Variants in BBS4 observed in about 807,000 individuals in gnomAD.
BBS4 encodes the protein BBSome complex member BBS4.
In BBS4, 58 loss-of-function variants were observed where a neutral mutation model predicts 71.4. The observed-to-expected ratio is 0.81, with a 90% confidence interval of 0.66 to 1.01. The LOEUF is 1.01. Among genes scored for constraint, BBS4 ranks in the 50% least tolerant of loss-of-function variants. The pLI is 0.00. For synonymous variants in BBS4, 228 were observed against 216.8 expected, an observed-to-expected ratio of 1.05 and a Z score of -0.46; for missense variants, 660 against 607.9, an observed-to-expected ratio of 1.09 and a Z score of -0.90.
intron 6 of BBS4, among the ~76,000 whole-genome samples, chr15:72,718,004 A>G (rs967895737): frequency 6.6e-6 from 1 of 152,020 alleles, no homozygotes; most frequent in African/African-American, 2.4e-5. Flanking sequence ...GCCTGCCACC[A>G]TGCCCGGCTA....
chr15:72,699,960 G>A (rs1176722606), intron 2 of BBS4, among the ~76,000 whole-genome samples: 1 of 152,180 alleles, frequency 6.6e-6, no homozygotes, highest in Admixed American at 6.5e-5. Flanking sequence ...TTTATTTAGA[G>A]ATGGAGTCTC....
At chr15:72,716,440 A>G (rs140564154) in intron 5 of BBS4, among the ~76,000 whole-genome samples, 60 of 152,356 alleles carry the variant, frequency 3.9e-4, no homozygotes, top group Non-Finnish European at 5.7e-4. Context: ...GTGATGATAA[A>G]TGATGGTAGT....
In BBS4 at chr15:72,735,185, A is replaced by G. The variant is rs886038704; in HGVS notation, c.1106+3A>G. The G allele has an allele frequency of 6.2e-7, 1 of 1,612,402 alleles. No homozygotes were observed. The highest frequency in any genetic ancestry group is 8.5e-7 in the Non-Finnish European group (1 of 1,178,666). ...GCAGAAGCAGTCCACCTGGATAAGT[A>G]TGCACTTTGTTGAGAATGGTACTGG... On this transcript the variant is annotated splice_donor_region_variant and intron_variant, in intron 13 of 15. Transcript: ENST00000268057.
chr15:72,724,268 A>G (rs2065627447), intron 7 of BBS4, among the ~76,000 whole-genome samples: 2 of 152,200 alleles, frequency 1.3e-5, no homozygotes, highest in Admixed American at 1.3e-4. Context: ...TGTGAATATC[A>G]GGCAGAAAAC....
rs114672242 is a variant in BBS4 at position 72,731,533 on chromosome 15, G to C, written c.865-22G>C. On this transcript the variant is annotated intron_variant, in intron 11 of 15. Coordinates refer to ENST00000268057, the MANE Select transcript of BBS4 (RefSeq NM_033028.5). ...GTCTGTTTAGCTTGCCCTTCTCATT[G>C]AGTGCCCCTTCTCTCTCATAGGCCA... 1,235 of 1,614,170 alleles carry C rather than the reference G, an allele frequency of 7.7e-4. 10 individuals are homozygous for C. The African/African-American group carries it at 0.015, about 20-fold the overall frequency.
At chr15:72,734,354 A>T (rs2065881025) in intron 12 of BBS4, among the ~76,000 whole-genome samples, 2 of 152,270 alleles carry the variant, frequency 1.3e-5, no homozygotes, top group South Asian at 4.1e-4. Context: ...AAAATGGAAT[A>T]GCACAGAATG....
chr15:72,696,630 G>A (rs1041155772), intron 2 of BBS4, among the ~76,000 whole-genome samples: 3 of 152,160 alleles, frequency 2.0e-5, no homozygotes, highest in African/African-American at 4.8e-5. Flanking sequence ...AGAGGGTCTC[G>A]CTCTGTCACC....
intron 2 of BBS4, among the ~76,000 whole-genome samples, chr15:72,696,530 G>T (rs3862416): frequency 0.95 from 144,455 of 152,262 alleles, 69,014 homozygotes; most frequent in East Asian, 1. Context: ...TCCCAATTGC[G>T]GGCAGCCATT....
intron 2 of BBS4, among the ~76,000 whole-genome samples, chr15:72,696,470 A>G (rs1387732905): frequency 1.3e-5 from 2 of 152,178 alleles, no homozygotes; most frequent in Non-Finnish European, 2.9e-5. Context: ...TAAAAGTTTA[A>G]TTACTCCCCC....
rs796233323 is a variant in BBS4, at chr15:72,717,365, G to GT, written c.405+526dup. 249 of 146,504 alleles carry GT rather than the reference G, an allele frequency of 1.7e-3. 3 individuals are homozygous for GT. The South Asian group carries it at 0.019, about 11-fold the overall frequency. The allele number at this position is 146,504 out of a possible 1,614,324, so 9.1% of individuals were successfully genotyped here. ...ACATTGGCTTTACAAATTCGTTTTT[G>GT]TTTTTTTTTTTAATTCTCATGAAAC... On this transcript the variant is annotated intron_variant, in intron 6 of 15. Transcript: ENST00000268057.
Position 72,704,806 on chromosome 15 carries a change from G to A in BBS4, c.77-4894G>A, listed in dbSNP as rs139300858. 9.0e-3 allele frequency among the ~76,000 whole-genome samples: 1,369 copies of A among 152,240 alleles called. 10 individuals carry two copies. Among genetic ancestry groups the A allele is most frequent in the Non-Finnish European group, 0.016 (1,082 of 68,022 alleles). ...GAGTCATAAGAATCATTTGAATCTGGGAGGTGGAGATTGCGGTGAGCTAAG... is the reference window on the plus strand; with the variant it reads ...GAGTCATAAGAATCATTTGAATCTGAGAGGTGGAGATTGCGGTGAGCTAAG... On this transcript the variant is annotated intron_variant, in intron 2 of 15. Coordinates refer to ENST00000268057, the MANE Select transcript of BBS4 (RefSeq NM_033028.5).
At chr15:72,708,958 G>A (rs1035864521) in intron 2 of BBS4, among the ~76,000 whole-genome samples, 2 of 152,186 alleles carry the variant, frequency 1.3e-5, no homozygotes, top group African/African-American at 4.8e-5. Context: ...GTGCACCGCT[G>A]AACATAGACT....
At chr15:72,690,267 A>G (rs1272018611) in intron 1 of BBS4, among the ~76,000 whole-genome samples, 1 of 152,214 alleles carries the variant, frequency 6.6e-6, no homozygotes, top group Non-Finnish European at 1.5e-5. Context: ...CAGGTGCTCC[A>G]TGAATATTTG....
At chr15:72,702,921 C>G (rs1284267142) in intron 2 of BBS4, among the ~76,000 whole-genome samples, 4 of 147,418 alleles carry the variant, frequency 2.7e-5, no homozygotes, top group Non-Finnish European at 6.0e-5. Context: ...CATTCTCCTG[C>G]CTCAGCCTCC....
chr15:72,696,719 G>A (rs184815688), intron 2 of BBS4, among the ~76,000 whole-genome samples: 1 of 151,754 alleles, frequency 6.6e-6, no homozygotes, highest in East Asian at 1.9e-4. Flanking sequence ...CCCAGTAGCT[G>A]GGTCTACAGG....
intron 4 of BBS4, among the ~76,000 whole-genome samples, chr15:72,713,356 C>T (rs1428779721): frequency 1.7e-5 from 2 of 118,798 alleles, no homozygotes; most frequent in East Asian, 8.8e-4. Flanking sequence ...CACACGCACA[C>T]GCACGCACGC....
chr15:72,714,248 CAG>C (rs1210517301), intron 4 of BBS4, among the ~76,000 whole-genome samples: 6 of 100,868 alleles, frequency 5.9e-5, no homozygotes, highest in East Asian at 6.3e-4. Flanking sequence ...TTTTTTGAGA[CAG>C]AGTCTTGCTC....
At chr15:72,730,350 A>C (rs1327642786) in intron 10 of BBS4, among the ~76,000 whole-genome samples, 1 of 151,850 alleles carries the variant, frequency 6.6e-6, no homozygotes, top group Non-Finnish European at 1.5e-5. Flanking sequence ...TAATCCCAGC[A>C]CTTTGGAATG....
intron 3 of BBS4, 39 bp from the exon 4 acceptor site, chr15:72,712,205 C>T (rs1567412606): frequency 1.3e-6 from 2 of 1,595,344 alleles, no homozygotes; most frequent in Non-Finnish European, 1.7e-6. Flanking sequence ...CCTGAAGAAA[C>T]TTAACCACTG....
Sources: allele counts gnomAD v4.1 joint callset (sites outside exome capture counted in the v4.1 genomes callset), GRCh38; gene constraint gnomAD v4.1.1; transcripts MANE v1.5; gene names NCBI Gene and HGNC (gene_info 2026-07-23, HGNC 2026-07-21).